Variants in MAGI3 observed in about 807,000 individuals in gnomAD.
MAGI3 encodes membrane-associated guanylate kinase, WW and PDZ domain-containing protein 3.
Under a neutral mutation model 121.8 loss-of-function variants are expected in MAGI3, and 43 were observed. The observed-to-expected ratio is 0.35, with a 90% confidence interval of 0.28 to 0.46. The LOEUF (loss-of-function observed/expected upper bound fraction) is 0.46. MAGI3 is among the 20% of genes least tolerant of loss of function. MAGI3 has a pLI of 1.00. For synonymous variants in MAGI3, 553 were observed against 639.3 expected (o/e 0.86, Z 2.04); for missense variants, 1,547 against 1,797.3 (o/e 0.86, Z 2.52).
chr1:113,541,443 T>C (rs1405779228), intron 1 of MAGI3, among the ~76,000 whole-genome samples: 2 of 152,242 alleles, frequency 1.3e-5, no homozygotes, highest in Non-Finnish European at 2.9e-5. Flanking sequence ...AAAAACTGAC[T>C]AGTTTTAAAA....
At chr1:113,656,459 G>A (rs1309296135) in intron 15 of MAGI3, among the ~76,000 whole-genome samples, 1 of 151,520 alleles carries the variant, frequency 6.6e-6, no homozygotes, top group African/African-American at 2.4e-5. Flanking sequence ...TGTTGCCCAG[G>A]CTGGAGTGGA....
intron 2 of MAGI3, among the ~76,000 whole-genome samples, chr1:113,555,865 G>T (rs1659969388): frequency 6.6e-6 from 1 of 151,766 alleles, no homozygotes; most frequent in Non-Finnish European, 1.5e-5. Context: ...ATCATGTCAG[G>T]AATGAGACCC....
intron 1 of MAGI3, among the ~76,000 whole-genome samples, chr1:113,535,280 T>G (rs1005939887): frequency 6.6e-6 from 1 of 152,156 alleles, no homozygotes; most frequent in Non-Finnish European, 1.5e-5. Flanking sequence ...TAAAAAATGG[T>G]ATACTTTTGT....
intron 1 of MAGI3, among the ~76,000 whole-genome samples, chr1:113,416,973 T>C (rs976903449): frequency 1.3e-5 from 2 of 152,222 alleles, no homozygotes; most frequent in Middle Eastern, 6.8e-3. Flanking sequence ...TAAGTAACTA[T>C]TGAATCACCT....
At chr1:113,502,874 A>G (rs1386142901) in intron 1 of MAGI3, among the ~76,000 whole-genome samples, 1 of 55,390 alleles carries the variant, frequency 1.8e-5, no homozygotes, top group Non-Finnish European at 3.0e-5. Context: ...TACACCATGG[A>G]ATATTATGCA....
chr1:113,668,397 G>T (rs1571024550), intron 16 of MAGI3, among the ~76,000 whole-genome samples: 1 of 152,058 alleles, frequency 6.6e-6, no homozygotes, highest in Non-Finnish European at 1.5e-5. Context: ...AGATAGGCCT[G>T]TTTGACATTA....
At chr1:113,514,597 G>A (rs1657792392) in intron 1 of MAGI3, among the ~76,000 whole-genome samples, 1 of 151,920 alleles carries the variant, frequency 6.6e-6, no homozygotes, top group Admixed American at 6.6e-5. Context: ...GACACAGGAA[G>A]GGGAACATCA....
intron 1 of MAGI3, among the ~76,000 whole-genome samples, chr1:113,540,750 T>C (rs1430188241): frequency 6.6e-6 from 1 of 152,202 alleles, no homozygotes; most frequent in African/African-American, 2.4e-5. Flanking sequence ...TGTCTGACAG[T>C]TTTTTAGAGA....
chr1:113,467,448 C>G (rs532972250), intron 1 of MAGI3, among the ~76,000 whole-genome samples: 244 of 152,110 alleles, frequency 1.6e-3, no homozygotes, highest in African/African-American at 5.7e-3. Context: ...TTAGTTAGAC[C>G]TAGTGTGTAG....
In MAGI3 at chr1:113,680,744, A is replaced by G. The variant is rs183518147; in HGVS notation, c.3190-454A>G. On this transcript the variant is annotated intron_variant, in intron 19 of 20. Transcript: ENST00000307546. ...TGCACTCCAGCCTGGGCGACAGAGCAAGACTCCGTCTCAAAAAGCAAAACA... is the reference window on the plus strand; with the variant it reads ...TGCACTCCAGCCTGGGCGACAGAGCGAGACTCCGTCTCAAAAAGCAAAACA... Among the ~76,000 whole-genome samples, 14 of 152,228 alleles carry G rather than the reference A, an allele frequency of 9.2e-5. No individual in the cohort carries two copies. The East Asian group carries it at 9.7e-4, about 11-fold the overall frequency.
At position 113,478,706 on chromosome 1, in the gene MAGI3, G is replaced by C. The variant is rs1170706511; in HGVS notation, c.317-70809G>C. On this transcript the variant is annotated intron_variant, in intron 1 of 20. Coordinates refer to ENST00000307546, the MANE Select transcript of MAGI3 (RefSeq NM_001142782.2). ...CCCAGTTAGGCTACGCAGGGATCAGGGACCCACTTGAGGAGGCAGTCTGTC... is the reference window on the plus strand; with the variant it reads ...CCCAGTTAGGCTACGCAGGGATCAGCGACCCACTTGAGGAGGCAGTCTGTC... Among the ~76,000 whole-genome samples the C allele has an allele frequency of 2.0e-5, 3 of 152,338 alleles. No homozygotes were observed. In the East Asian group the frequency reaches 5.8e-4, roughly 29 times the overall value.
At chr1:113,467,324 A>G (rs1469605518) in intron 1 of MAGI3, among the ~76,000 whole-genome samples, 1 of 152,102 alleles carries the variant, frequency 6.6e-6, no homozygotes, top group Admixed American at 6.6e-5. Context: ...TATGATTTCT[A>G]CTTTTCTAAA....
intron 1 of MAGI3, among the ~76,000 whole-genome samples, chr1:113,540,023 C>G (rs1237278648): frequency 2.0e-5 from 3 of 152,000 alleles, no homozygotes; most frequent in Non-Finnish European, 4.4e-5. Flanking sequence ...TGGTCTCGGA[C>G]TCCTGGGCTT....
chr1:113,603,938 T>A (rs1649572298), intron 6 of MAGI3, among the ~76,000 whole-genome samples: 1 of 151,954 alleles, frequency 6.6e-6, no homozygotes, highest in South Asian at 2.1e-4. Context: ...AAAACCACAA[T>A]GAGATACCAC....
chr1:113,548,670 T>A (rs1659642288), intron 1 of MAGI3, among the ~76,000 whole-genome samples: 1 of 152,212 alleles, frequency 6.6e-6, no homozygotes, highest in South Asian at 2.1e-4. Flanking sequence ...TTCGGGATTT[T>A]AGATTTTGTT....
Position 113,684,006 on chromosome 1 carries a change from C to T in MAGI3, c.4438C>T (p.Arg1480Trp), listed in dbSNP as rs912142701. 13 of 1,558,588 alleles carry T rather than the reference C, an allele frequency of 8.3e-6. No homozygotes were observed. The highest frequency in any genetic ancestry group is 5.6e-5 in the African/African-American group (4 of 71,874). ...AGGCACTATTGGTATGGCTGAGAAA[C>T]GGCAGTAACCTTTAGTATAAAACAA... is the stretch of plus-strand genomic sequence containing the variant. Reference protein sequence around the residue: ...VTGTIGMAEKRQ With the variant: ...VTGTIGMAEKWQ The change falls in exon 21 of 21, where the codon CGG becomes TGG. Residue 1480 changes from arginine (R) to tryptophan (W), a missense_variant. Transcript: ENST00000307546.
chr1:113,526,861 A>G (rs924733508), intron 1 of MAGI3, among the ~76,000 whole-genome samples: 3 of 152,212 alleles, frequency 2.0e-5, no homozygotes, highest in Non-Finnish European at 4.4e-5. Context: ...GGTATAACAT[A>G]TTAATTAAGA....
intron 1 of MAGI3, among the ~76,000 whole-genome samples, chr1:113,427,806 C>T (rs747962430): frequency 9.9e-5 from 15 of 151,680 alleles, no homozygotes; most frequent in Non-Finnish European, 2.1e-4. Context: ...CTTTTTCCAA[C>T]GCTGCCTTTT....
intron 6 of MAGI3, among the ~76,000 whole-genome samples, chr1:113,598,488 A>G (rs952365375): frequency 6.6e-6 from 1 of 152,168 alleles, no homozygotes; most frequent in African/African-American, 2.4e-5. Flanking sequence ...GTGGAAAAAG[A>G]TATTTCACAC....
Sources: allele counts gnomAD v4.1 joint callset (sites outside exome capture counted in the v4.1 genomes callset), GRCh38; gene constraint gnomAD v4.1.1; transcripts MANE v1.5; gene names NCBI Gene and HGNC (gene_info 2026-07-23, HGNC 2026-07-21).